Variants in INO80 observed in about 807,000 individuals in gnomAD.
The protein encoded by INO80 is chromatin-remodeling ATPase INO80.
A neutral mutation model predicts 203.4 loss-of-function variants in INO80; 20 were observed. That is an observed-to-expected ratio of 0.10 (90% confidence interval 0.07 to 0.14). INO80 has a LOEUF of 0.14. INO80 is among the 10% of genes least tolerant of loss of function. INO80 has a pLI of 1.00. For synonymous variants in INO80, 726 were observed against 685.2 expected, an observed-to-expected ratio of 1.06 and a Z score of -0.93; for missense variants, 1,419 against 1,914.4, an observed-to-expected ratio of 0.74 and a Z score of 4.83.
chr15:41,085,596 C>T lies in INO80; in HGVS notation c.659-13G>A. The T allele has an allele frequency of 6.2e-7, 1 of 1,607,834 alleles. No individual in the cohort carries two copies. Among genetic ancestry groups the T allele is most frequent in the Non-Finnish European group, 8.5e-7 (1 of 1,175,160 alleles). On this transcript the variant is annotated splice_polypyrimidine_tract_variant and intron_variant, in intron 6 of 35. Coordinates refer to ENST00000648947, the MANE Select transcript of INO80 (RefSeq NM_017553.3). ...TTTTTCAACTTAGCTGCAAAAGAAA[C>T]AGATGCAACAGGTTGCACTTCCACA...
In INO80 at chr15:41,083,938, A is replaced by C. The variant is rs994115727; in HGVS notation, c.873+1431T>G. Among the ~76,000 whole-genome samples, 8 of 152,224 alleles carry C rather than the reference A, an allele frequency of 5.3e-5. No homozygotes were observed. The South Asian group carries it at 1.7e-3, about 32-fold the overall frequency. On this transcript the variant is annotated intron_variant, in intron 7 of 35. Coordinates refer to ENST00000648947, the MANE Select transcript of INO80 (RefSeq NM_017553.3). ...ACTTTTTTAACTGTAGAGGTTTTGT[A>C]GCGTGTTCTAACGTTTAGTGGGGAT...
intron 24 of INO80, among the ~76,000 whole-genome samples, chr15:41,040,073 C>A (rs1265693663): frequency 1.3e-5 from 2 of 151,972 alleles, no homozygotes; most frequent in African/African-American, 4.8e-5. Flanking sequence ...GCCGAGTACA[C>A]GGGCTCACAA....
At position 41,068,227 on chromosome 15, in the gene INO80, G is replaced by A. The variant is rs151093207; in HGVS notation, c.1782+1343C>T. 2.5e-3 allele frequency among the ~76,000 whole-genome samples: 378 copies of A among 152,128 alleles called. 1 individual carries two copies. Among genetic ancestry groups the A allele is most frequent in the African/African-American group, 8.5e-3 (352 of 41,526 alleles). ...ACTAGAGGCCAGGAGTTCAAGACCAGCCTGGGCAACATAGTGAGACCTGCC... is the reference window on the plus strand; with the variant it reads ...ACTAGAGGCCAGGAGTTCAAGACCAACCTGGGCAACATAGTGAGACCTGCC... On this transcript the variant is annotated intron_variant, in intron 14 of 35. Transcript: ENST00000648947.
chr15:41,033,753 T>A (rs571859948), intron 24 of INO80, among the ~76,000 whole-genome samples: 2 of 152,240 alleles, frequency 1.3e-5, no homozygotes, highest in Admixed American at 6.5e-5. Context: ...AGAGATTTTT[T>A]AAAAACCCCA....
intron 29 of INO80, among the ~76,000 whole-genome samples, chr15:40,989,724 C>G (rs1207867158): frequency 6.6e-6 from 1 of 152,202 alleles, no homozygotes; most frequent in East Asian, 1.9e-4. Context: ...ATCACAGGTG[C>G]CTGCCACCAT....
chr15:41,046,743 G>C (rs1287658670), intron 23 of INO80, among the ~76,000 whole-genome samples: 1 of 149,284 alleles, frequency 6.7e-6, no homozygotes, highest in Non-Finnish European at 1.5e-5. Flanking sequence ...TCGGCCTCCC[G>C]AGTAGCTGGG....
At chr15:40,987,492 G>A (rs187993872) in intron 30 of INO80, among the ~76,000 whole-genome samples, 2 of 152,288 alleles carry the variant, frequency 1.3e-5, no homozygotes, top group Non-Finnish European at 2.9e-5. Flanking sequence ...AGGCAGATAA[G>A]CTGAGAGTAC....
chr15:41,062,798 C>T (rs766552604), intron 14 of INO80, among the ~76,000 whole-genome samples: 6 of 152,140 alleles, frequency 3.9e-5, no homozygotes, highest in Non-Finnish European at 8.8e-5. Flanking sequence ...GAGATGAGGA[C>T]GCCTCACTTT....
At chr15:41,067,757 T>C (rs1472135855) in intron 14 of INO80, among the ~76,000 whole-genome samples, 3 of 152,174 alleles carry the variant, frequency 2.0e-5, no homozygotes, top group Non-Finnish European at 4.4e-5. Context: ...CCATCACTAT[T>C]ACAGAGACCC....
intron 25 of INO80, chr15:41,023,152 C>A: frequency 5.6e-6 from 2 of 360,056 alleles, no homozygotes; most frequent in South Asian, 2.0e-5. Context: ...TTCTTGCTTC[C>A]AACTTATTCA....
chr15:41,062,893 G>C (rs538026964), intron 14 of INO80, among the ~76,000 whole-genome samples: 3 of 152,224 alleles, frequency 2.0e-5, no homozygotes, highest in South Asian at 2.1e-4. Context: ...TGTTATAGCA[G>C]CACAAAACAA....
intron 7 of INO80, among the ~76,000 whole-genome samples, chr15:41,082,825 A>G (rs933009393): frequency 2.6e-5 from 4 of 152,284 alleles, no homozygotes; most frequent in Admixed American, 2.6e-4. Flanking sequence ...TCAACGCTGA[A>G]GTGAACCAAG....
rs1032242312 is a variant in INO80 at position 41,037,148 on chromosome 15, C to A, written c.2907+7756G>T. On this transcript the variant is annotated intron_variant, in intron 24 of 35. Transcript: ENST00000648947. ...ACAAAAACTAAAAATAGATTGATTT[C>A]TCACTTGAAAAAAGAACAAAAAGAG... Among the ~76,000 whole-genome samples, 21 of 56,054 alleles carry A rather than the reference C, an allele frequency of 3.7e-4. 1 individual carries two copies. The highest frequency in any genetic ancestry group is 2.0e-3 in the African/African-American group (20 of 10,194). The allele number at this position is 56,054 out of a possible 152,430, so 36.8% of individuals were successfully genotyped here.
chr15:41,034,785 A>C (rs1370046850), intron 24 of INO80, among the ~76,000 whole-genome samples: 1 of 152,190 alleles, frequency 6.6e-6, no homozygotes, highest in Non-Finnish European at 1.5e-5. Context: ...CAAACTTTTT[A>C]AGACTGATCT....
At chr15:41,067,721 T>C (rs2045245400) in intron 14 of INO80, among the ~76,000 whole-genome samples, 1 of 152,166 alleles carries the variant, frequency 6.6e-6, no homozygotes, top group Non-Finnish European at 1.5e-5. Context: ...ATTTCTACCC[T>C]ATCCCAAGCT....
intron 21 of INO80, 93 bp from the exon 22 acceptor site, chr15:41,048,369 A>G: frequency 3.2e-6 from 3 of 942,600 alleles, no homozygotes; most frequent in Non-Finnish European, 5.0e-6. Context: ...AAAACCTTTT[A>G]GTTTTGAAAC....
intron 14 of INO80, 47 bp from the exon 15 acceptor site, chr15:41,059,973 A>C (rs761023710): frequency 8.3e-7 from 1 of 1,210,688 alleles, no homozygotes; most frequent in Non-Finnish European, 1.2e-6. Context: ...GATGATCTTA[A>C]AAGTATTAGA....
chr15:41,070,124 A>T (rs1265777438), intron 13 of INO80, among the ~76,000 whole-genome samples: 1 of 152,244 alleles, frequency 6.6e-6, no homozygotes, highest in African/African-American at 2.4e-5. Context: ...TTAAGTTGAA[A>T]AAGAGGCTAA....
chr15:41,104,499 T>C (rs913883507), intron 1 of INO80, among the ~76,000 whole-genome samples: 3 of 152,070 alleles, frequency 2.0e-5, no homozygotes, highest in Admixed American at 6.6e-5. Context: ...CCTGGGCTGA[T>C]TGCTTTGTAC....
Sources: allele counts gnomAD v4.1 joint callset (sites outside exome capture counted in the v4.1 genomes callset), GRCh38; gene constraint gnomAD v4.1.1; transcripts MANE v1.5; gene names NCBI Gene and HGNC (gene_info 2026-07-23, HGNC 2026-07-21).